Variants in FOXP2 observed in about 807,000 individuals in gnomAD.
The protein encoded by FOXP2 is forkhead box P2.
A neutral mutation model predicts 115.8 loss-of-function variants in FOXP2; 12 were observed. That is an observed-to-expected ratio of 0.10 (90% confidence interval 0.07 to 0.17). The LOEUF (loss-of-function observed/expected upper bound fraction) is 0.17, where lower values mean the gene tolerates loss of function less well. Among genes scored for constraint, FOXP2 ranks in the 10% least tolerant of loss-of-function variants. FOXP2 has a pLI of 1.00. For missense variants in FOXP2, 629 were observed against 843.5 expected (o/e 0.75, Z 3.15); for synonymous variants, 328 against 297.7 (o/e 1.10, Z -1.05).
intron 1 of FOXP2, among the ~76,000 whole-genome samples, chr7:114,266,368 G>A (rs2129172098): frequency 6.6e-6 from 1 of 152,268 alleles, no homozygotes; most frequent in African/African-American, 2.4e-5. Flanking sequence ...TTATAAAGAG[G>A]TTTAATTGGC....
At chr7:114,420,596 C>T (rs1793574610) in intron 1 of FOXP2, among the ~76,000 whole-genome samples, 1 of 151,744 alleles carries the variant, frequency 6.6e-6, no homozygotes, top group South Asian at 2.1e-4. Flanking sequence ...TTTTTAAGTC[C>T]TCCTCTTACA....
intron 1 of FOXP2, among the ~76,000 whole-genome samples, chr7:114,254,412 C>T (rs540840784): frequency 1.4e-4 from 21 of 152,290 alleles, no homozygotes; most frequent in East Asian, 3.9e-4. Context: ...CCATTCTCCC[C>T]GTCACTTTCA....
chr7:114,474,088 T>G (rs1176218872), intron 2 of FOXP2, among the ~76,000 whole-genome samples: 1 of 152,202 alleles, frequency 6.6e-6, no homozygotes, highest in Non-Finnish European at 1.5e-5. Flanking sequence ...AAGGTAGATA[T>G]AAACCTCATC....
At chr7:114,606,330 A>G (rs1161770612) in intron 3 of FOXP2, among the ~76,000 whole-genome samples, 1 of 152,160 alleles carries the variant, frequency 6.6e-6, no homozygotes, top group Non-Finnish European at 1.5e-5. Context: ...AGGTAGGTAC[A>G]TGTGCTTCAA....
At chr7:114,288,788 A>G (rs142625497) in intron 2 of FOXP2, among the ~76,000 whole-genome samples, 14 of 151,942 alleles carry the variant, frequency 9.2e-5, no homozygotes, top group African/African-American at 2.9e-4. Context: ...ACGGTTTGTC[A>G]TGAGTATCCA....
chr7:114,525,701 C>T (rs368690519), intron 2 of FOXP2, among the ~76,000 whole-genome samples: 22 of 152,154 alleles, frequency 1.4e-4, no homozygotes, highest in African/African-American at 5.3e-4. Context: ...TCAAAGTCAC[C>T]TGTCCTCCCA....
intron 1 of FOXP2, among the ~76,000 whole-genome samples, chr7:114,219,965 C>T (rs1794581929): frequency 2.0e-5 from 3 of 151,780 alleles, no homozygotes; most frequent in South Asian, 4.2e-4. Flanking sequence ...CTCCCGGGTT[C>T]AAGAGATTCT....
At chr7:114,309,973 C>T (rs1333731914) in intron 2 of FOXP2, among the ~76,000 whole-genome samples, 1 of 151,836 alleles carries the variant, frequency 6.6e-6, no homozygotes, top group Non-Finnish European at 1.5e-5. Flanking sequence ...TGGGAGGTGT[C>T]TTTAATCTGC....
chr7:114,690,129 C>CTTTTTTTTTTTTTTTTTTTTTTT lies in FOXP2; in HGVS notation c.*220_*221insTTTTTTTTTTTTTTTTTTTTTTT. The CTTTTTTTTTTTTTTTTTTTTTTT allele has an allele frequency of 7.1e-6, 3 of 420,602 alleles. No homozygotes were observed. Among genetic ancestry groups the CTTTTTTTTTTTTTTTTTTTTTTT allele is most frequent in the African/African-American group, 2.5e-5 (1 of 40,006 alleles). 26.1% of individuals were successfully genotyped at this position (420,602 alleles called of 1,614,324 possible). A position where few individuals can be genotyped will look rare whatever the true frequency, so the allele number is the denominator to read the frequency against. On this transcript the variant is annotated 3_prime_UTR_variant, in exon 17 of 17. Transcript: ENST00000350908. ...TGCTTGTTTTCTTCTTCTTCTTCTT[C>CTTTTTTTTTTTTTTTTTTTTTTT]TTTTTTTTTTTTTTTTTAGAAAAAA... is the stretch of plus-strand genomic sequence containing the variant.
chr7:114,579,527 G>A (rs1801732890), intron 3 of FOXP2, among the ~76,000 whole-genome samples: 1 of 151,876 alleles, frequency 6.6e-6, no homozygotes, highest in Admixed American at 6.6e-5. Flanking sequence ...CCTACCTTCT[G>A]CTTCTGTTCT....
intron 1 of FOXP2, among the ~76,000 whole-genome samples, chr7:114,200,527 AT>A (rs1382533772): frequency 1.3e-5 from 2 of 152,222 alleles, no homozygotes; most frequent in African/African-American, 4.8e-5. Flanking sequence ...CAAAAGTGAC[AT>A]TTATTGATCT....
chr7:114,123,362 A>G (rs1791619820), intron 1 of FOXP2, among the ~76,000 whole-genome samples: 1 of 151,378 alleles, frequency 6.6e-6, no homozygotes, highest in Admixed American at 6.6e-5. Context: ...AAAAAAAAAA[A>G]AAAAAGAAAG....
chr7:114,555,504 T>C (rs1057479693), intron 3 of FOXP2, among the ~76,000 whole-genome samples: 1 of 152,110 alleles, frequency 6.6e-6, no homozygotes, highest in Admixed American at 6.5e-5. Flanking sequence ...GTGGTTAAGA[T>C]AGAGCAAAGG....
chr7:114,475,495 T>C (rs1219636469), intron 2 of FOXP2, among the ~76,000 whole-genome samples: 3 of 152,024 alleles, frequency 2.0e-5, no homozygotes, highest in Non-Finnish European at 4.4e-5. Context: ...CGTGATTCCA[T>C]GACAGCCAGC....
chr7:114,454,211 C>G (rs371573802), intron 2 of FOXP2, among the ~76,000 whole-genome samples: 1 of 151,852 alleles, frequency 6.6e-6, no homozygotes, highest in South Asian at 2.1e-4. Flanking sequence ...GGGTGAAGGA[C>G]ATGAACAGAC....
intron 2 of FOXP2, among the ~76,000 whole-genome samples, chr7:114,427,019 G>A (rs1189240929): frequency 6.6e-6 from 1 of 151,458 alleles, no homozygotes; most frequent in African/African-American, 2.4e-5. Flanking sequence ...TCCACCAGAG[G>A]GCCACATTAC....
chr7:114,517,568 T>C (rs1798408181), intron 2 of FOXP2, among the ~76,000 whole-genome samples: 1 of 152,180 alleles, frequency 6.6e-6, no homozygotes. Context: ...CCCTGTACCA[T>C]TTATGAAGAC....
intron 3 of FOXP2, among the ~76,000 whole-genome samples, chr7:114,578,438 A>G (rs1248051059): frequency 6.6e-6 from 1 of 152,006 alleles, no homozygotes; most frequent in Non-Finnish European, 1.5e-5. Context: ...TTATTTTACA[A>G]TTGAAAAAAA....
upstream of FOXP2, among the ~76,000 whole-genome samples, chr7:114,159,797 G>T (rs932233010): frequency 9.2e-5 from 14 of 152,170 alleles, no homozygotes; most frequent in Non-Finnish European, 7.3e-5. Flanking sequence ...GCAAAAGACA[G>T]ATTAATTGGA....
Sources: gnomAD v4.1 joint callset for allele counts (sites outside exome capture counted in the v4.1 genomes callset) on GRCh38, gnomAD v4.1.1 for gene constraint, MANE v1.5 for transcripts, NCBI Gene and HGNC (gene_info 2026-07-23, HGNC 2026-07-21) for gene names.